The following FAM184A variants were observed in gnomAD, a reference collection of about 807,000 sequenced individuals.
FAM184A encodes the protein family with sequence similarity 184 member A, also known as protein FAM184A.
A neutral mutation model predicts 143.8 loss-of-function variants in FAM184A; 99 were observed. The observed-to-expected ratio is 0.69, with a 90% CI of 0.58 to 0.81. The LOEUF is 0.81. Ranked by LOEUF, FAM184A falls within the 40% of genes least tolerant of loss-of-function variation. The pLI is 0.00. For synonymous variants in FAM184A, 427 were observed against 446.4 expected (o/e 0.96, Z 0.55); for missense variants, 1,217 against 1,310.5 (o/e 0.93, Z 1.10).
At chr6:119,147,714 A>G (rs6910397) in intron 1 of FAM184A, among the ~76,000 whole-genome samples, 44,677 of 152,078 alleles carry the variant, frequency 0.29, 7,109 homozygotes, top group East Asian at 0.53. Flanking sequence ...TCAGCCAGAA[A>G]TGGCCAGGAC....
chr6:119,033,080 T>C (rs1031316025), intron 1 of FAM184A, among the ~76,000 whole-genome samples: 1 of 152,136 alleles, frequency 6.6e-6, no homozygotes, highest in Non-Finnish European at 1.5e-5. Flanking sequence ...AATTATCCAA[T>C]TTATTAAAAA....
At chr6:119,021,706 T>TA (rs1785452626) in intron 3 of FAM184A, among the ~76,000 whole-genome samples, 1 of 152,154 alleles carries the variant, frequency 6.6e-6, no homozygotes, top group South Asian at 2.1e-4. Context: ...GCTGGCATGG[T>TA]GGCTCACACC....
At chr6:118,963,936 G>C (rs977666489) in intron 16 of FAM184A, 1 of 152,058 alleles carries the variant, frequency 6.6e-6, no homozygotes, top group Non-Finnish European at 1.5e-5. Context: ...AGGGTACAAA[G>C]ATTTATAAGA....
intron 1 of FAM184A, among the ~76,000 whole-genome samples, chr6:119,067,640 G>C (rs983834810): frequency 6.6e-6 from 1 of 152,128 alleles, no homozygotes; most frequent in South Asian, 2.1e-4. Flanking sequence ...GTTATACATT[G>C]ATCAGTTGGT....
chr6:119,028,754 G>T (rs1342942844), intron 1 of FAM184A, among the ~76,000 whole-genome samples: 1 of 152,168 alleles, frequency 6.6e-6, no homozygotes, highest in Admixed American at 6.5e-5. Context: ...CAACCCAAGG[G>T]AGGGTAGTGT....
chr6:119,001,392 G>A (rs1481426558), intron 9 of FAM184A, among the ~76,000 whole-genome samples: 9 of 151,432 alleles, frequency 5.9e-5, no homozygotes, highest in South Asian at 2.1e-4. Context: ...ATTAATTCCC[G>A]GTTATCTTGA....
At chr6:118,961,476 C>T (rs1192910229) in intron 17 of FAM184A, among the ~76,000 whole-genome samples, 1 of 151,476 alleles carries the variant, frequency 6.6e-6, no homozygotes, top group African/African-American at 2.4e-5. Flanking sequence ...GGTGACAATA[C>T]TAAAAATAAA....
chr6:118,986,060 G>A (rs1562461801), intron 9 of FAM184A, among the ~76,000 whole-genome samples: 1 of 152,150 alleles, frequency 6.6e-6, no homozygotes, highest in South Asian at 2.1e-4. Context: ...TTGGGAGGCC[G>A]AAGCGGGCGG....
Position 118,975,952 on chromosome 6 carries a change from C to A in FAM184A, c.2548G>T (p.Glu850Ter). The change falls in exon 12 of 18, where the codon GAA becomes TAA. Residue 850 changes from glutamate (E) to a stop codon, truncating the protein, a stop_gained. Coordinates refer to ENST00000338891, the MANE Select transcript of FAM184A (RefSeq NM_024581.6). LOFTEE classifies it high-confidence loss of function. ...HHQELAAAKMELERSIDISRR... is the reference protein window; with the variant it reads ...HHQELAAAKM ...CTGATGTCTATGCTTCTCTCTAATT[C>A]CATTTTAGCAGCTGCCAATTCTTGA... The A allele has an allele frequency of 6.2e-7, 1 of 1,613,268 alleles. No individual in the cohort carries two copies.
upstream of FAM184A, among the ~76,000 whole-genome samples, chr6:119,080,262 C>T (rs1788022395): frequency 1.3e-5 from 2 of 152,196 alleles, no homozygotes; most frequent in Middle Eastern, 3.4e-3. Flanking sequence ...GTTGAGTCAC[C>T]CAACCTGTTC....
chr6:119,020,977 A>G (rs953155951), intron 3 of FAM184A, among the ~76,000 whole-genome samples: 1 of 152,206 alleles, frequency 6.6e-6, no homozygotes, highest in African/African-American at 2.4e-5. Flanking sequence ...GGAGAGACAG[A>G]GAGATGAAAA....
intron 3 of FAM184A, among the ~76,000 whole-genome samples, 183 bp from the exon 4 acceptor site, chr6:119,020,342 C>T (rs994147657): frequency 2.0e-5 from 3 of 152,100 alleles, no homozygotes; most frequent in African/African-American, 4.8e-5. Context: ...TACTTCTTAG[C>T]GCACTAGAAT....
rs569813213 is a variant in FAM184A at position 119,046,529 on chromosome 6, C to T, written c.160-21716G>A. 4.0e-5 allele frequency among the ~76,000 whole-genome samples: 6 copies of T among 150,886 alleles called. No individual in the cohort carries two copies. The South Asian group carries it at 8.5e-4, about 21-fold the overall frequency. On this transcript the variant is annotated intron_variant, in intron 1 of 17. Coordinates refer to ENST00000338891, the MANE Select transcript of FAM184A (RefSeq NM_024581.6). ...TAACTACACCAAGTTGATCTTCAAA[C>T]GACCAATTTTGTAGTGATTGTTATA...
At chr6:119,026,965 T>A (rs918169758) in intron 1 of FAM184A, among the ~76,000 whole-genome samples, 2 of 152,104 alleles carry the variant, frequency 1.3e-5, no homozygotes, top group Non-Finnish European at 2.9e-5. Flanking sequence ...ATAAGAGATA[T>A]TTACCATCTA....
At chr6:119,111,280 T>G (rs1788923544) in intron 1 of FAM184A, among the ~76,000 whole-genome samples, 1 of 152,186 alleles carries the variant, frequency 6.6e-6, no homozygotes, top group South Asian at 2.1e-4. Flanking sequence ...ACTAATATAT[T>G]ATTTCACTTA....
chr6:119,045,546 T>G (rs1786496379), intron 1 of FAM184A, among the ~76,000 whole-genome samples: 1 of 152,076 alleles, frequency 6.6e-6, no homozygotes, highest in Non-Finnish European at 1.5e-5. Flanking sequence ...TAACAGCAGA[T>G]TTTTCTTCTT....
intron 1 of FAM184A, among the ~76,000 whole-genome samples, chr6:119,037,284 C>T (rs1786149572): frequency 6.6e-6 from 1 of 152,086 alleles, no homozygotes; most frequent in African/African-American, 2.4e-5. Flanking sequence ...AGTTTGACAG[C>T]AGGACAAAAG....
intron 1 of FAM184A, among the ~76,000 whole-genome samples, chr6:119,131,861 A>G (rs949203157): frequency 1.3e-5 from 2 of 152,222 alleles, no homozygotes; most frequent in Non-Finnish European, 2.9e-5. Flanking sequence ...ATACATTTTA[A>G]TACAGGAAGA....
chr6:119,050,674 C>T (rs564222200), intron 1 of FAM184A, among the ~76,000 whole-genome samples: 4 of 152,136 alleles, frequency 2.6e-5, no homozygotes, highest in South Asian at 2.1e-4. Context: ...GGCGCGGTGG[C>T]GGGCGCTGTA....
Sources: allele counts gnomAD v4.1 joint callset (sites outside exome capture counted in the v4.1 genomes callset), GRCh38; gene constraint gnomAD v4.1.1; transcripts MANE v1.5; gene names NCBI Gene and HGNC (gene_info 2026-07-23, HGNC 2026-07-21).